Variants in ARHGAP28 observed in about 807,000 individuals in gnomAD.
ARHGAP28 encodes the protein rho GTPase-activating protein 28.
In ARHGAP28, 56 loss-of-function variants were observed where a neutral mutation model predicts 90.7. That is an observed-to-expected ratio of 0.62 (90% confidence interval 0.50 to 0.77). ARHGAP28 has a LOEUF of 0.77. ARHGAP28 is among the 30% of genes least tolerant of loss of function. The pLI is 0.00. For missense variants in ARHGAP28, 869 were observed against 900.9 expected, an observed-to-expected ratio of 0.96 and a Z score of 0.45; for synonymous variants, 308 against 323.3, an observed-to-expected ratio of 0.95 and a Z score of 0.51.
At chr18:6,748,632 C>T (rs1426976594) in intron 1 of ARHGAP28, among the ~76,000 whole-genome samples, 1 of 152,066 alleles carries the variant, frequency 6.6e-6, no homozygotes, top group Non-Finnish European at 1.5e-5. Flanking sequence ...TTTCTGTTTT[C>T]AGAAGTGAAA....
intron 1 of ARHGAP28, among the ~76,000 whole-genome samples, chr18:6,760,111 A>AAC (rs145774328): frequency 1.2e-4 from 18 of 151,924 alleles, no homozygotes; most frequent in African/African-American, 3.4e-4. Context: ...TGTAAGTTCA[A>AAC]ACACACACAC....
Position 6,891,761 on chromosome 18 carries a change from A to T in ARHGAP28, c.1848+1218A>T, listed in dbSNP as rs183836716. 2.1e-3 allele frequency among the ~76,000 whole-genome samples: 313 copies of T among 152,014 alleles called. 1 individual carries two copies. The highest frequency in any genetic ancestry group is 7.0e-3 in the African/African-American group (289 of 41,476). On this transcript the variant is annotated intron_variant, in intron 14 of 17. Transcript: ENST00000383472. ...TACCACCATACCTGGCTAACTTTTT[A>T]AAAAAAATTTTGTAGAGATGGGGGT...
intron 1 of ARHGAP28, among the ~76,000 whole-genome samples, chr18:6,770,088 A>C (rs1250719436): frequency 6.6e-6 from 1 of 152,156 alleles, no homozygotes; most frequent in Non-Finnish European, 1.5e-5. Context: ...AGCAAGGAAA[A>C]ATTCATTTTT....
intron 1 of ARHGAP28, among the ~76,000 whole-genome samples, chr18:6,743,350 CT>C (rs1300421330): frequency 6.6e-6 from 1 of 152,080 alleles, no homozygotes; most frequent in African/African-American, 2.4e-5. Flanking sequence ...TGTCTATTTT[CT>C]TCATTACTGG....
intron 1 of ARHGAP28, chr18:6,789,300 G>A (rs11874401): frequency 0.17 from 26,481 of 152,108 alleles, 2,616 homozygotes; most frequent in African/African-American, 0.26. Context: ...GGCCGGGTGC[G>A]GTGGCTCACG....
chr18:6,793,052 C>G (rs1037689845), intron 1 of ARHGAP28, among the ~76,000 whole-genome samples: 6 of 152,164 alleles, frequency 3.9e-5, no homozygotes, highest in African/African-American at 1.4e-4. Context: ...GGCTTTTATA[C>G]TGATTATATT....
intron 1 of ARHGAP28, among the ~76,000 whole-genome samples, chr18:6,823,066 T>A (rs1488426333): frequency 6.6e-6 from 1 of 152,308 alleles, no homozygotes; most frequent in East Asian, 1.9e-4. Flanking sequence ...CTTGTTTGAG[T>A]GAAACAGCTC....
intron 10 of ARHGAP28, among the ~76,000 whole-genome samples, chr18:6,876,882 G>A (rs913249417): frequency 6.6e-6 from 1 of 152,168 alleles, no homozygotes; most frequent in Non-Finnish European, 1.5e-5. Flanking sequence ...GCAAAGAACT[G>A]TTAGAAAAGA....
At chr18:6,908,897 A>G in intron 16 of ARHGAP28, 63 bp from the exon 17 acceptor site, 1 of 950,456 alleles carries the variant, frequency 1.1e-6, no homozygotes, top group Non-Finnish European at 1.7e-6. Flanking sequence ...GTTATTTAAC[A>G]TGCATTTTTA....
At chr18:6,797,723 G>A (rs373412681) in intron 1 of ARHGAP28, among the ~76,000 whole-genome samples, 7 of 150,520 alleles carry the variant, frequency 4.7e-5, no homozygotes, top group African/African-American at 1.5e-4. Context: ...GTGCAACAAC[G>A]CGATCTCGCC....
At chr18:6,735,803 C>T (rs569211750) in intron 1 of ARHGAP28, among the ~76,000 whole-genome samples, 2 of 152,252 alleles carry the variant, frequency 1.3e-5, no homozygotes, top group South Asian at 2.1e-4. Context: ...GATCTGCCCA[C>T]CTTGGCATCC....
intron 7 of ARHGAP28, 92 bp downstream of exon 7, chr18:6,870,824 G>T (rs1449554934): frequency 3.0e-6 from 4 of 1,337,276 alleles, no homozygotes; most frequent in South Asian, 1.4e-5. Flanking sequence ...TTTTGAGACG[G>T]AGTCTCGCTC....
chr18:6,905,732 A>T (rs992058719), intron 16 of ARHGAP28, among the ~76,000 whole-genome samples: 2 of 152,192 alleles, frequency 1.3e-5, no homozygotes, highest in Non-Finnish European at 2.9e-5. Context: ...ACAAAAATCA[A>T]TCACATTGGA....
At chr18:6,815,651 A>C (rs2056585275) in intron 1 of ARHGAP28, among the ~76,000 whole-genome samples, 1 of 152,162 alleles carries the variant, frequency 6.6e-6, no homozygotes. Context: ...GAAACAGATT[A>C]TATTTCAGTT....
At chr18:6,896,264 T>A (rs2057304075) in intron 15 of ARHGAP28, among the ~76,000 whole-genome samples, 1 of 152,196 alleles carries the variant, frequency 6.6e-6, no homozygotes, top group South Asian at 2.1e-4. Flanking sequence ...CCTTAAGATT[T>A]TAAGTCATTA....
chr18:6,792,550 G>A (rs1251287556), intron 1 of ARHGAP28, among the ~76,000 whole-genome samples: 1 of 152,180 alleles, frequency 6.6e-6, no homozygotes, highest in Admixed American at 6.5e-5. Flanking sequence ...TTAAATGCTA[G>A]TCCTTGCAAC....
At chr18:6,846,379 T>C (rs1176617832) in intron 3 of ARHGAP28, among the ~76,000 whole-genome samples, 1 of 152,152 alleles carries the variant, frequency 6.6e-6, no homozygotes, top group Admixed American at 6.5e-5. Context: ...TGGAAGCAGG[T>C]TCTTGGTCTC....
At chr18:6,859,470 G>A (rs144859971) in intron 4 of ARHGAP28, among the ~76,000 whole-genome samples, 1 of 152,118 alleles carries the variant, frequency 6.6e-6, no homozygotes, top group Non-Finnish European at 1.5e-5. Flanking sequence ...CTTACACCTT[G>A]TCGGCCACGT....
intron 1 of ARHGAP28, among the ~76,000 whole-genome samples, chr18:6,737,832 G>A (rs1205299101): frequency 1.3e-5 from 2 of 152,102 alleles, no homozygotes; most frequent in African/African-American, 4.8e-5. Flanking sequence ...CTATATATGC[G>A]TCTTCTTAAA....
Sources: gnomAD v4.1 joint callset for allele counts (sites outside exome capture counted in the v4.1 genomes callset) on GRCh38, gnomAD v4.1.1 for gene constraint, MANE v1.5 for transcripts, NCBI Gene and HGNC (gene_info 2026-07-23, HGNC 2026-07-21) for gene names.